Variants in FSTL4 observed in about 807,000 individuals in gnomAD.
The protein encoded by FSTL4 is follistatin-related protein 4.
FSTL4 carries 28 observed loss-of-function variants against 78.2 expected under a neutral mutation model. The ratio of observed to expected loss-of-function variants is 0.36; its 90% CI spans 0.27 to 0.49. The LOEUF is 0.49. Among genes scored for constraint, FSTL4 ranks in the 20% least tolerant of loss-of-function variants. The pLI is 0.98. For synonymous variants in FSTL4, 422 were observed against 440.5 expected, an observed-to-expected ratio of 0.96 and a Z score of 0.53; for missense variants, 922 against 1,084.9, an observed-to-expected ratio of 0.85 and a Z score of 2.11.
At chr5:133,457,567 C>T (rs889448746) in intron 3 of FSTL4, among the ~76,000 whole-genome samples, 3 of 152,184 alleles carry the variant, frequency 2.0e-5, no homozygotes, top group South Asian at 2.1e-4. Flanking sequence ...TGAAGGGATG[C>T]GAGTGAGCTG....
chr5:133,780,497 T>C, the FSTL4 span, among the ~76,000 whole-genome samples: 16 of 150,592 alleles, frequency 1.1e-4, no homozygotes, highest in South Asian at 6.4e-4. Flanking sequence ...GTCTCCTGTG[T>C]ATTGTTGGGG....
rs1759236207 is a variant in FSTL4, at chr5:133,530,850, G to A, written c.160+36336C>T. Among the ~76,000 whole-genome samples the A allele has an allele frequency of 2.6e-5, 4 of 152,278 alleles. No individual in the cohort carries two copies. The South Asian group carries it at 8.3e-4, about 32-fold the overall frequency. ...TGCAGAGACCTGGCAGGCTGAGCTG[G>A]GCCAGAGACTCAGACTCACACAGGC... On this transcript the variant is annotated intron_variant, in intron 3 of 15. Transcript: ENST00000265342.
chr5:133,311,786 C>T (rs1263014383), intron 6 of FSTL4, among the ~76,000 whole-genome samples: 2 of 152,216 alleles, frequency 1.3e-5, no homozygotes, highest in Non-Finnish European at 2.9e-5. Context: ...GAACTGTGAG[C>T]TGGCAGGTCA....
intron 4 of FSTL4, among the ~76,000 whole-genome samples, chr5:133,376,764 C>T (rs1319420811): frequency 6.6e-6 from 1 of 151,852 alleles, no homozygotes; most frequent in Non-Finnish European, 1.5e-5. Flanking sequence ...TGGTGGGCAC[C>T]TATAATCCCA....
At chr5:133,518,634 G>C (rs1338947992) in intron 3 of FSTL4, among the ~76,000 whole-genome samples, 1 of 152,128 alleles carries the variant, frequency 6.6e-6, no homozygotes, top group Non-Finnish European at 1.5e-5. Context: ...TTTACTACTA[G>C]ACTCTATGTT....
At chr5:133,700,735 C>T in the FSTL4 span, among the ~76,000 whole-genome samples, 1 of 152,252 alleles carries the variant, frequency 6.6e-6, no homozygotes, top group African/African-American at 2.4e-5. Context: ...CTCTCAGGGC[C>T]TCGGGTTTCT....
intron 2 of FSTL4, among the ~76,000 whole-genome samples, chr5:133,592,657 C>A (rs1190062999): frequency 6.6e-6 from 1 of 152,062 alleles, no homozygotes; most frequent in Non-Finnish European, 1.5e-5. Context: ...TGGCTTGGTG[C>A]CATCCTTGCA....
chr5:133,685,087 G>T, the FSTL4 span, among the ~76,000 whole-genome samples: 3 of 151,946 alleles, frequency 2.0e-5, no homozygotes, highest in African/African-American at 2.4e-5. Flanking sequence ...GCCTTGGCAG[G>T]GTCAGCCAAT....
intron 3 of FSTL4, among the ~76,000 whole-genome samples, chr5:133,524,854 C>T (rs1759058816): frequency 6.6e-6 from 1 of 152,226 alleles, no homozygotes; most frequent in Non-Finnish European, 1.5e-5. Context: ...CTCAGATGCA[C>T]TGGCAGATGT....
rs1751309956 is a variant in FSTL4 at position 133,225,803 on chromosome 5, A to G, written c.1032T>C (p.Arg344=). The change falls in exon 9 of 16, where the codon CGT becomes CGC. Residue 344 remains arginine (R), a synonymous_variant. Transcript: ENST00000265342. The surrounding 1 kb of genome is among the most constrained non-coding windows in gnomAD (Gnocchi z 4.6). The part of the protein sequence containing the change: ...VLQVNVPPVI[R]VYPESQAQEP... Reference sequence around the variant, plus strand: ...CCTGTGCCTGGCTCTCTGGATAGACACGGATGACTGGCGGCACTGTGGGTG... The same window carrying G: ...CCTGTGCCTGGCTCTCTGGATAGACGCGGATGACTGGCGGCACTGTGGGTG... 6.3e-7 allele frequency: 1 copy of G among 1,588,370 alleles called. No individual in the cohort carries two copies. The highest frequency in any genetic ancestry group is 1.3e-5 in the African/African-American group (1 of 74,154).
At chr5:133,630,250 A>G in the FSTL4 span, among the ~76,000 whole-genome samples, 1 of 152,284 alleles carries the variant, frequency 6.6e-6, no homozygotes, top group Admixed American at 6.5e-5. Context: ...AGAAAATGCC[A>G]TTGTCTCAGC....
At chr5:133,772,569 C>T in the FSTL4 span, among the ~76,000 whole-genome samples, 1 of 152,104 alleles carries the variant, frequency 6.6e-6, no homozygotes, top group Non-Finnish European at 1.5e-5. Flanking sequence ...GCTCTGGAGG[C>T]TGGGAAGTTC....
At position 133,480,016 on chromosome 5, in the gene FSTL4, A is replaced by G. The variant is rs150451413; in HGVS notation, c.161-79030T>C. ...CCAAAAAATTAGAAAAGACGGGGAC[A>G]CTCTACCCTCCCTATAAGGATCCAA... On this transcript the variant is annotated intron_variant, in intron 3 of 15. Transcript: ENST00000265342. Among the ~76,000 whole-genome samples the G allele has an allele frequency of 4.8e-3, 733 of 152,280 alleles. 4 individuals carry two copies. Among genetic ancestry groups the G allele is most frequent in the African/African-American group, 0.016 (673 of 41,558 alleles).
chr5:133,479,580 C>G (rs1580735355), intron 3 of FSTL4, among the ~76,000 whole-genome samples: 1 of 152,288 alleles, frequency 6.6e-6, no homozygotes, highest in East Asian at 1.9e-4. Context: ...TGGAGAAAGT[C>G]AGAAACAAAG....
chr5:133,353,062 G>T (rs965153049), intron 4 of FSTL4, among the ~76,000 whole-genome samples: 12 of 151,996 alleles, frequency 7.9e-5, no homozygotes, highest in African/African-American at 2.9e-4. Flanking sequence ...CCATTTAGTT[G>T]GTTCTTTTGG....
intron 3 of FSTL4, among the ~76,000 whole-genome samples, chr5:133,504,915 A>C (rs1758582660): frequency 6.6e-6 from 1 of 152,244 alleles, no homozygotes; most frequent in African/African-American, 2.4e-5. Context: ...CCCCCTGTGA[A>C]TATGAACTCG....
At chr5:133,387,441 T>C (rs1755728463) in intron 4 of FSTL4, among the ~76,000 whole-genome samples, 1 of 152,180 alleles carries the variant, frequency 6.6e-6, no homozygotes, top group African/African-American at 2.4e-5. Context: ...CCCATGATCC[T>C]ATCCACCCCA....
chr5:133,617,738 C>T, the FSTL4 span, among the ~76,000 whole-genome samples: 1 of 152,118 alleles, frequency 6.6e-6, no homozygotes, highest in African/African-American at 2.4e-5. Flanking sequence ...ATTCTAGAGA[C>T]CCCAGACTGA....
At chr5:133,448,363 C>T (rs1315094131) in intron 3 of FSTL4, among the ~76,000 whole-genome samples, 3 of 152,184 alleles carry the variant, frequency 2.0e-5, no homozygotes, top group African/African-American at 7.2e-5. Context: ...AGGAGAGAAA[C>T]AGGGGGGCCC....
Sources: allele counts gnomAD v4.1 joint callset (sites outside exome capture counted in the v4.1 genomes callset), GRCh38; gene constraint gnomAD v4.1.1; non-coding constraint Gnocchi (gnomAD v3.1); transcripts MANE v1.5; gene names NCBI Gene and HGNC (gene_info 2026-07-23, HGNC 2026-07-21).